TOX: variants seen among roughly 807,000 people sequenced by gnomAD.
TOX encodes the protein thymocyte selection associated high mobility group box, also known as thymocyte selection-associated high mobility group box protein TOX.
Under a neutral mutation model 53.7 loss-of-function variants are expected in TOX, and 11 were observed. The ratio of observed to expected loss-of-function variants is 0.20; its 90% CI spans 0.13 to 0.34. The LOEUF is 0.34. Ranked by LOEUF, TOX falls within the 10% of genes least tolerant of loss-of-function variation. The pLI, the probability that TOX is intolerant of heterozygous loss-of-function variation, is 1.00. For missense variants in TOX, 570 were observed against 664.6 expected (o/e 0.86, Z 1.56); for synonymous variants, 225 against 245.3 (o/e 0.92, Z 0.77).
chr8:58,984,965 G>C lies in TOX; in HGVS notation c.103-24957C>G, dbSNP rs547171569. On this transcript the variant is annotated intron_variant, in intron 1 of 8. Transcript: ENST00000361421. Reference sequence around the variant, plus strand: ...CATATGACCTAGTAATTTAACCTCTGGGTATATAATCAAAAGAATTGAAAA... The same window carrying C: ...CATATGACCTAGTAATTTAACCTCTCGGTATATAATCAAAAGAATTGAAAA... Among the ~76,000 whole-genome samples, 18 of 151,074 alleles carry C rather than the reference G, an allele frequency of 1.2e-4. No homozygotes were observed. In the East Asian group the frequency reaches 3.3e-3, roughly 28 times the overall value.
intron 3 of TOX, among the ~76,000 whole-genome samples, chr8:58,883,880 TTAAA>T (rs1463058256): frequency 2.0e-5 from 3 of 152,200 alleles, no homozygotes; most frequent in Non-Finnish European, 4.4e-5. Context: ...AAATCTTCTC[TTAAA>T]TAAAGATTGT....
intron 4 of TOX, among the ~76,000 whole-genome samples, chr8:58,844,732 G>T (rs1035178061): frequency 1.3e-5 from 2 of 151,982 alleles, no homozygotes; most frequent in Non-Finnish European, 2.9e-5. Context: ...CCTAAATGTC[G>T]CCCTGATTAC....
Position 59,050,778 on chromosome 8 carries a change from T to G in TOX, c.102+68108A>C, listed in dbSNP as rs34961315. On this transcript the variant is annotated intron_variant, in intron 1 of 8. Transcript: ENST00000361421. ...CTTTGTAATCTCATTTTGACAGAACTGAATTGTTTTTGTTTTTTATGTGAA... is the reference window on the plus strand; with the variant it reads ...CTTTGTAATCTCATTTTGACAGAACGGAATTGTTTTTGTTTTTTATGTGAA... 5.3e-3 allele frequency among the ~76,000 whole-genome samples: 810 copies of G among 152,262 alleles called. 3 individuals carry two copies. The highest frequency in any genetic ancestry group is 8.4e-3 in the Non-Finnish European group (569 of 67,982).
chr8:58,807,846 G>C (rs905717531), intron 8 of TOX, 63 bp from the exon 9 acceptor site: 13 of 1,593,720 alleles, frequency 8.2e-6, no homozygotes, highest in Non-Finnish European at 1.0e-5. Context: ...GGTGACAATG[G>C]GGGGATGGAT....
At chr8:58,975,901 G>A (rs544454864) in intron 1 of TOX, among the ~76,000 whole-genome samples, 1 of 152,146 alleles carries the variant, frequency 6.6e-6, no homozygotes, top group African/African-American at 2.4e-5. Context: ...GTGAAACCCC[G>A]TCTCTACTAA....
chr8:59,111,584 A>G (rs944737167), intron 1 of TOX, among the ~76,000 whole-genome samples: 1 of 152,026 alleles, frequency 6.6e-6, no homozygotes, highest in Admixed American at 6.6e-5. Flanking sequence ...CCACCCCCAC[A>G]CACCCATACA....
chr8:58,853,839 T>C (rs945375693), intron 3 of TOX, among the ~76,000 whole-genome samples: 2 of 152,214 alleles, frequency 1.3e-5, no homozygotes, highest in African/African-American at 4.8e-5. Context: ...CTTTCACTGA[T>C]ATCCTTAAAG....
At chr8:59,037,133 C>A (rs1320556807) in intron 1 of TOX, among the ~76,000 whole-genome samples, 1 of 151,618 alleles carries the variant, frequency 6.6e-6, no homozygotes, top group Non-Finnish European at 1.5e-5. Context: ...AAGGTTAAAA[C>A]CCAACTATCA....
chr8:59,118,979 T>TA lies in TOX; in HGVS notation c.8dup (p.Arg4LysfsTer33). 1 of 1,602,184 alleles carries TA rather than the reference T, an allele frequency of 6.2e-7. No homozygotes were observed. The highest frequency in any genetic ancestry group is 8.5e-7 in the Non-Finnish European group (1 of 1,173,160). On this transcript the variant is annotated frameshift_variant, in exon 1 of 9. Coordinates refer to ENST00000361421, the MANE Select transcript of TOX (RefSeq NM_014729.3). LOFTEE classifies it high-confidence loss of function. The surrounding 1 kb of genome is among the most constrained non-coding windows in gnomAD (Gnocchi z 4.1). ...GCTGGGCTGGAGGTGGATAAAATCT[T>TA]ACGTCCATTTCACTCTCACATCAAG...
At chr8:59,020,363 G>T (rs768886379) in intron 1 of TOX, among the ~76,000 whole-genome samples, 1 of 152,060 alleles carries the variant, frequency 6.6e-6, no homozygotes, top group Non-Finnish European at 1.5e-5. Flanking sequence ...TGTCCCACCC[G>T]CTGTGAGGAC....
chr8:58,859,910 G>C (rs1810979623), intron 3 of TOX, among the ~76,000 whole-genome samples: 1 of 152,170 alleles, frequency 6.6e-6, no homozygotes, highest in Non-Finnish European at 1.5e-5. Context: ...ATATTGAAGA[G>C]CAGCAAGCAA....
At chr8:58,943,682 A>G (rs1218874882) in intron 2 of TOX, among the ~76,000 whole-genome samples, 2 of 150,954 alleles carry the variant, frequency 1.3e-5, no homozygotes, top group East Asian at 1.9e-4. Flanking sequence ...TGGAAGTCCT[A>G]TGAGTCTGGG....
rs942656437 is a variant in TOX, at chr8:58,939,590, G to A, written c.169-46C>T. The A allele has an allele frequency of 4.5e-6, 7 of 1,562,498 alleles. No individual in the cohort carries two copies. In the African/African-American group the frequency reaches 9.8e-5, roughly 22 times the overall value. ...CATTGTTGCAAATTATCATCTTCTTGCTCTTCATCATCATATCAAACACTT... is the reference window on the plus strand; with the variant it reads ...CATTGTTGCAAATTATCATCTTCTTACTCTTCATCATCATATCAAACACTT... On this transcript the variant is annotated intron_variant, in intron 2 of 8. Coordinates refer to ENST00000361421, the MANE Select transcript of TOX (RefSeq NM_014729.3).
At chr8:59,091,702 A>G (rs938262036) in intron 1 of TOX, among the ~76,000 whole-genome samples, 1 of 152,104 alleles carries the variant, frequency 6.6e-6, no homozygotes, top group Non-Finnish European at 1.5e-5. Flanking sequence ...ATCAATAAGT[A>G]TTTGTATCAT....
intron 1 of TOX, among the ~76,000 whole-genome samples, chr8:58,995,348 G>GT (rs1456271446): frequency 4.6e-5 from 7 of 152,244 alleles, no homozygotes; most frequent in Non-Finnish European, 1.0e-4. Context: ...AGACAAAACC[G>GT]TTTTCTGAAT....
chr8:58,813,956 C>A (rs1052973061), intron 7 of TOX, among the ~76,000 whole-genome samples: 2 of 152,130 alleles, frequency 1.3e-5, no homozygotes, highest in African/African-American at 4.8e-5. Flanking sequence ...GAGTTTTGAA[C>A]AGACCTGGGT....
chr8:58,875,929 C>T (rs188583349), intron 3 of TOX, among the ~76,000 whole-genome samples: 323 of 152,244 alleles, frequency 2.1e-3, no homozygotes, highest in Admixed American at 4.6e-3. Context: ...GAATAAACAG[C>T]GTAAGTCAGT....
At chr8:58,839,748 T>C (rs1810612544) in intron 4 of TOX, among the ~76,000 whole-genome samples, 1 of 152,242 alleles carries the variant, frequency 6.6e-6, no homozygotes, top group Admixed American at 6.5e-5. Flanking sequence ...TTGCCTTCTC[T>C]CTGCAGATAT....
intron 3 of TOX, among the ~76,000 whole-genome samples, chr8:58,933,273 C>T (rs952277854): frequency 6.6e-6 from 1 of 152,126 alleles, no homozygotes; most frequent in Non-Finnish European, 1.5e-5. Flanking sequence ...TTCCCGTTCA[C>T]CAATCCATGA....
Sources: allele counts gnomAD v4.1 joint callset (sites outside exome capture counted in the v4.1 genomes callset), GRCh38; gene constraint gnomAD v4.1.1; non-coding constraint Gnocchi (gnomAD v3.1); transcripts MANE v1.5; gene names NCBI Gene and HGNC (gene_info 2026-07-23, HGNC 2026-07-21).